The following NRG3 variants were observed in gnomAD, a reference collection of about 807,000 sequenced individuals.
NRG3 encodes the protein neuregulin 3, also known as pro-neuregulin-3, membrane-bound isoform.
A neutral mutation model predicts 66.9 loss-of-function variants in NRG3; 31 were observed. The ratio of observed to expected loss-of-function variants is 0.46; its 90% CI spans 0.35 to 0.63. NRG3 has a LOEUF of 0.63. NRG3 is among the 20% of genes least tolerant of loss of function. NRG3 has a pLI of 0.00. For synonymous variants in NRG3, 393 were observed against 359.4 expected, an observed-to-expected ratio of 1.09 and a Z score of -1.06; for missense variants, 910 against 878.9, an observed-to-expected ratio of 1.04 and a Z score of -0.45.
At chr10:82,807,635 C>T (rs949174178) in intron 3 of NRG3, among the ~76,000 whole-genome samples, 5 of 152,190 alleles carry the variant, frequency 3.3e-5, no homozygotes, top group Admixed American at 6.5e-5. Context: ...TACACAGAAT[C>T]TCAAGTGCCA....
intron 1 of NRG3, among the ~76,000 whole-genome samples, chr10:81,906,102 G>T (rs1844580398): frequency 6.6e-6 from 1 of 152,108 alleles, no homozygotes; most frequent in Non-Finnish European, 1.5e-5. Context: ...CAAAGTTTTT[G>T]TAAGAATTTA....
intron 4 of NRG3, among the ~76,000 whole-genome samples, chr10:82,895,806 C>A (rs1271534588): frequency 6.6e-6 from 1 of 152,134 alleles, no homozygotes; most frequent in East Asian, 1.9e-4. Context: ...CATTTTATTT[C>A]TCATTTTAAT....
chr10:82,010,704 CG>C (rs1564734960), intron 1 of NRG3, among the ~76,000 whole-genome samples: 1 of 152,128 alleles, frequency 6.6e-6, no homozygotes, highest in Admixed American at 6.6e-5. Context: ...TTAATTGGAG[CG>C]GGTGTTTTGA....
At chr10:82,048,141 A>T (rs1334052115) in intron 1 of NRG3, among the ~76,000 whole-genome samples, 1 of 151,984 alleles carries the variant, frequency 6.6e-6, no homozygotes, top group South Asian at 2.1e-4. Context: ...CTCCCACACA[A>T]TAATAATGGG....
chr10:81,904,681 T>G (rs372689604), intron 1 of NRG3, among the ~76,000 whole-genome samples: 1 of 152,134 alleles, frequency 6.6e-6, no homozygotes, highest in Non-Finnish European at 1.5e-5. Context: ...CTCAGATAAA[T>G]CAGCAATCTT....
intron 2 of NRG3, among the ~76,000 whole-genome samples, chr10:82,479,371 A>G (rs1842040671): frequency 6.6e-6 from 1 of 152,094 alleles, no homozygotes; most frequent in African/African-American, 2.4e-5. Context: ...AGGGGGGAAG[A>G]GAGGATATGC....
Position 81,915,496 on chromosome 10 carries a change from G to GTTTTTTTT in NRG3, c.823+39340_823+39347dup, listed in dbSNP as rs78693924. Among the ~76,000 whole-genome samples the GTTTTTTTT allele has an allele frequency of 1.4e-4, 18 of 130,728 alleles. 3 individuals carry two copies. The highest frequency in any genetic ancestry group is 1.6e-4 in the Admixed American group (2 of 12,900). The allele number at this position is 130,728 out of a possible 152,430, so 85.8% of individuals were successfully genotyped here. On this transcript the variant is annotated intron_variant, in intron 1 of 8. Transcript: ENST00000372141. ...GTTAAAGTCAGCTCACACTTCTTTA[G>GTTTTTTTT]TTTTTTTTTTTTTTGCCAAAACACA...
chr10:82,562,666 A>G (rs546286424), intron 2 of NRG3, among the ~76,000 whole-genome samples: 2 of 152,238 alleles, frequency 1.3e-5, no homozygotes, highest in African/African-American at 2.4e-5. Flanking sequence ...GAATATAGTA[A>G]AAGTTTTTTC....
Position 81,876,126 on chromosome 10 carries a change from C to T in NRG3, c.786C>T (p.Thr262=), listed in dbSNP as rs1255417916. Residue 262 remains threonine (T), a synonymous_variant, in exon 1 of 9, where the codon ACC becomes ACT. Transcript: ENST00000372141. ...CTTCCTCTTCTTCCTCCTCCGCTAC[C>T]ACCACCACACCAGAAACTAGCACCA... ...SSSSSSSSSA[T]TTTPETSTSP... The T allele has an allele frequency of 6.2e-7, 1 of 1,603,040 alleles. No homozygotes were observed. Among genetic ancestry groups the T allele is most frequent in the African/African-American group, 1.3e-5 (1 of 74,598 alleles).
chr10:82,325,317 G>A (rs935852355), intron 1 of NRG3, among the ~76,000 whole-genome samples: 2 of 152,122 alleles, frequency 1.3e-5, no homozygotes, highest in Middle Eastern at 3.4e-3. Flanking sequence ...GAGTAGCTGA[G>A]ACTGCAGGCA....
chr10:82,375,275 T>C (rs6584682), intron 2 of NRG3, among the ~76,000 whole-genome samples: 65,877 of 152,022 alleles, frequency 0.43, 18,367 homozygotes, highest in African/African-American at 0.79. Flanking sequence ...CGGTGGCTCA[T>C]GCCTGTAATC....
At chr10:82,329,845 C>G (rs1589739743) in intron 1 of NRG3, among the ~76,000 whole-genome samples, 1 of 152,284 alleles carries the variant, frequency 6.6e-6, no homozygotes, top group East Asian at 1.9e-4. Context: ...ACGCTCTAGG[C>G]AGTTCATCAC....
chr10:82,360,026 C>CAT (rs1338746800), intron 2 of NRG3, among the ~76,000 whole-genome samples: 1 of 152,144 alleles, frequency 6.6e-6, no homozygotes, highest in East Asian at 1.9e-4. Context: ...TAAAAGTTAC[C>CAT]ATATGTCCTG....
chr10:82,432,422 A>C (rs1230485099), intron 2 of NRG3, among the ~76,000 whole-genome samples: 1 of 151,702 alleles, frequency 6.6e-6, no homozygotes, highest in Non-Finnish European at 1.5e-5. Context: ...CAAATGACAA[A>C]ATTTCAGTAT....
intron 1 of NRG3, among the ~76,000 whole-genome samples, chr10:82,355,117 A>G (rs1022013161): frequency 2.6e-5 from 4 of 152,252 alleles, no homozygotes; most frequent in African/African-American, 9.6e-5. Context: ...TAAAAGTGGC[A>G]TAGCTTTAAA....
intron 3 of NRG3, among the ~76,000 whole-genome samples, chr10:82,819,952 G>C (rs978162930): frequency 4.6e-5 from 7 of 152,162 alleles, no homozygotes; most frequent in African/African-American, 1.7e-4. Flanking sequence ...GCTCTGGGAG[G>C]GCATTTTAGA....
At chr10:82,556,688 A>C (rs954893234) in intron 2 of NRG3, among the ~76,000 whole-genome samples, 6 of 152,142 alleles carry the variant, frequency 3.9e-5, no homozygotes, top group African/African-American at 1.4e-4. Context: ...GGTGTGTTAC[A>C]TAGGTAATCT....
At chr10:82,313,162 G>C (rs1289039170) in intron 1 of NRG3, among the ~76,000 whole-genome samples, 1 of 151,812 alleles carries the variant, frequency 6.6e-6, no homozygotes, top group Non-Finnish European at 1.5e-5. Flanking sequence ...GACAGAGCGA[G>C]ACCCTGTCTC....
At chr10:82,787,479 G>C (rs1032350411) in intron 3 of NRG3, among the ~76,000 whole-genome samples, 2 of 152,124 alleles carry the variant, frequency 1.3e-5, no homozygotes, top group Non-Finnish European at 2.9e-5. Flanking sequence ...CCTTGAAAAA[G>C]GAGTAGAAAT....
Sources: gnomAD v4.1 joint callset for allele counts (sites outside exome capture counted in the v4.1 genomes callset) on GRCh38, gnomAD v4.1.1 for gene constraint, MANE v1.5 for transcripts, NCBI Gene and HGNC (gene_info 2026-07-23, HGNC 2026-07-21) for gene names.